The following INPP5A variants were observed in gnomAD, a reference collection of about 807,000 sequenced individuals.
INPP5A encodes the protein 43 kDa inositol polyphosphate 5-phophatase.
In INPP5A, 14 loss-of-function variants were observed where a neutral mutation model predicts 65.2. That is an observed-to-expected ratio of 0.21 (90% confidence interval 0.14 to 0.34). The LOEUF (loss-of-function observed/expected upper bound fraction) is 0.34. INPP5A is among the 10% of genes least tolerant of loss of function. INPP5A has a pLI of 1.00. For synonymous variants in INPP5A, 207 were observed against 208.3 expected, an observed-to-expected ratio of 0.99 and a Z score of 0.05; for missense variants, 431 against 545.6, an observed-to-expected ratio of 0.79 and a Z score of 2.09.
chr10:132,696,736 G>C (rs1845350128), intron 5 of INPP5A, among the ~76,000 whole-genome samples: 1 of 152,180 alleles, frequency 6.6e-6, no homozygotes, highest in Admixed American at 6.5e-5. Flanking sequence ...GCTGTCTCCT[G>C]TCCATGAGGC....
chr10:132,549,486 C>T lies in INPP5A; in HGVS notation c.75+11315C>T, dbSNP rs781371313. Among the ~76,000 whole-genome samples, 1 of 152,194 alleles carries T rather than the reference C, an allele frequency of 6.6e-6. No homozygotes were observed. The highest frequency in any genetic ancestry group is 1.5e-5 in the Non-Finnish European group (1 of 68,032). ...TTCCCCACAAGGATGGTTATCTTGC[C>T]GTGTTGGTAATGGCTTTGACAGCTG... On this transcript the variant is annotated intron_variant, in intron 1 of 15. Coordinates refer to ENST00000368594, the MANE Select transcript of INPP5A (RefSeq NM_005539.5). This position sits in a 1 kb window ranked among gnomAD's most constrained non-coding sequence, Gnocchi z 4.9.
chr10:132,690,282 T>C (rs1845236452), intron 4 of INPP5A, 110 bp from the exon 5 acceptor site: 1 of 757,124 alleles, frequency 1.3e-6, no homozygotes, highest in African/African-American at 1.7e-5. Context: ...TTATAACTGG[T>C]GAAACTCTTG....
chr10:132,710,936 G>A (rs747389431), intron 8 of INPP5A, among the ~76,000 whole-genome samples: 2 of 152,126 alleles, frequency 1.3e-5, no homozygotes, highest in Non-Finnish European at 2.9e-5. Flanking sequence ...CCTGCTCTGG[G>A]AGGCACACTC....
Position 132,555,526 on chromosome 10 carries a change from G to C in INPP5A, c.75+17355G>C, listed in dbSNP as rs1434138935. Among the ~76,000 whole-genome samples, 1 of 152,128 alleles carries C rather than the reference G, an allele frequency of 6.6e-6. No homozygotes were observed. The highest frequency in any genetic ancestry group is 1.5e-5 in the Non-Finnish European group (1 of 68,020). On this transcript the variant is annotated intron_variant, in intron 1 of 15. Coordinates refer to ENST00000368594, the MANE Select transcript of INPP5A (RefSeq NM_005539.5). This position sits in a 1 kb window ranked among gnomAD's most constrained non-coding sequence, Gnocchi z 4.4. Reference sequence around the variant, plus strand: ...GGCGCCGTTGGTGTGTGCTCACAAAGTGCACGGGGTGACCAGGAGCCTCTG... The same window carrying C: ...GGCGCCGTTGGTGTGTGCTCACAAACTGCACGGGGTGACCAGGAGCCTCTG...
In INPP5A at chr10:132,651,586, C is replaced by T. The variant is rs1431212285; in HGVS notation, c.306+1081C>T. On this transcript the variant is annotated intron_variant, in intron 4 of 15. Transcript: ENST00000368594. The surrounding 1 kb of genome is among the most constrained non-coding windows in gnomAD (Gnocchi z 5.0). ...TCTGGCCTTCTGTCCCCAGCATCAG[C>T]GCCCACTAGCCGTCATTGCGCCGTC... Among the ~76,000 whole-genome samples the T allele has an allele frequency of 1.3e-5, 2 of 152,210 alleles. No individual in the cohort carries two copies. The highest frequency in any genetic ancestry group is 2.9e-5 in the Non-Finnish European group (2 of 68,030).
intron 5 of INPP5A, among the ~76,000 whole-genome samples, chr10:132,696,027 C>T (rs1004566969): frequency 1.3e-5 from 2 of 152,094 alleles, no homozygotes; most frequent in African/African-American, 4.8e-5. Context: ...GGATCGGAGC[C>T]CTCATGAAAG....
At chr10:132,766,939 C>T (rs371058657) in intron 12 of INPP5A, among the ~76,000 whole-genome samples, 40 of 129,492 alleles carry the variant, frequency 3.1e-4, no homozygotes, top group African/African-American at 7.7e-4. Context: ...GAGGTGCGGC[C>T]TCAGGGAGCT....
At chr10:132,722,539 C>T (rs1845902800) in intron 8 of INPP5A, among the ~76,000 whole-genome samples, 1 of 152,236 alleles carries the variant, frequency 6.6e-6, no homozygotes, top group Non-Finnish European at 1.5e-5. Context: ...CCGGTTCCCA[C>T]TGCTGTGTTA....
At chr10:132,645,456 G>A (rs1361363992) in intron 2 of INPP5A, among the ~76,000 whole-genome samples, 3 of 152,232 alleles carry the variant, frequency 2.0e-5, no homozygotes, top group Admixed American at 6.5e-5. Context: ...GTATGCACAC[G>A]TGTGCACCCT....
chr10:132,640,157 G>T (rs1002690409), intron 2 of INPP5A, among the ~76,000 whole-genome samples: 1 of 152,208 alleles, frequency 6.6e-6, no homozygotes, highest in African/African-American at 2.4e-5. Context: ...ATGCTGCGTT[G>T]TATAGACACT....
intron 1 of INPP5A, among the ~76,000 whole-genome samples, chr10:132,579,480 C>T (rs1423973818): frequency 1.3e-5 from 2 of 152,170 alleles, no homozygotes; most frequent in Non-Finnish European, 1.5e-5. Context: ...GAGAGGGGGC[C>T]GGAGCCAAGG....
rs139945149 is a variant in INPP5A at position 132,661,152 on chromosome 10, G to A, written c.306+10647G>A. On this transcript the variant is annotated intron_variant, in intron 4 of 15. Coordinates refer to ENST00000368594, the MANE Select transcript of INPP5A (RefSeq NM_005539.5). ...CCCAGCTGCATGCTCCCACCTCTTC[G>A]TGATATGGTTTCAAAAACACAATCC... 4.8e-3 allele frequency among the ~76,000 whole-genome samples: 734 copies of A among 152,234 alleles called. 5 individuals are homozygous for A. The highest frequency in any genetic ancestry group is 6.8e-3 in the Middle Eastern group (2 of 294).
chr10:132,596,722 G>A (rs2133322246), intron 1 of INPP5A, among the ~76,000 whole-genome samples: 1 of 152,204 alleles, frequency 6.6e-6, no homozygotes, highest in African/African-American at 2.4e-5. Flanking sequence ...GAGCCACCAC[G>A]CCCGGCCCAT....
In INPP5A at chr10:132,698,866, G is replaced by A. The variant is rs1007060533; in HGVS notation, c.474+947G>A. On this transcript the variant is annotated intron_variant, in intron 6 of 15. Transcript: ENST00000368594. This position sits in a 1 kb window ranked among gnomAD's most constrained non-coding sequence, Gnocchi z 5.5. ...TGCTACGGAGCTGACTTCCAGCAAGGCCACAACTTTATTAACTTGCTTTAT... is the reference window on the plus strand; with the variant it reads ...TGCTACGGAGCTGACTTCCAGCAAGACCACAACTTTATTAACTTGCTTTAT... Among the ~76,000 whole-genome samples the A allele has an allele frequency of 1.3e-5, 2 of 152,234 alleles. No individual in the cohort carries two copies. Among genetic ancestry groups the A allele is most frequent in the African/African-American group, 2.4e-5 (1 of 41,464 alleles).
intron 1 of INPP5A, among the ~76,000 whole-genome samples, chr10:132,596,947 G>GTGCGCACA (rs2071706874): frequency 3.0e-5 from 4 of 134,894 alleles, no homozygotes; most frequent in Non-Finnish European, 6.2e-5. Context: ...ATGTGTGCGT[G>GTGCGCACA]TGTGCACACA....
chr10:132,679,474 C>A (rs1490772755), intron 4 of INPP5A, among the ~76,000 whole-genome samples: 1 of 151,994 alleles, frequency 6.6e-6, no homozygotes, highest in Non-Finnish European at 1.5e-5. Flanking sequence ...GACGGGCCAC[C>A]CCAGCGGGAG....
At chr10:132,541,703 G>A (rs751294542) in intron 1 of INPP5A, among the ~76,000 whole-genome samples, 18 of 152,220 alleles carry the variant, frequency 1.2e-4, no homozygotes, top group Non-Finnish European at 2.2e-4. Flanking sequence ...TTCTTCCCTA[G>A]GAGACAGTGA....
At chr10:132,685,624 TC>T (rs1196354746) in intron 4 of INPP5A, among the ~76,000 whole-genome samples, 1 of 152,228 alleles carries the variant, frequency 6.6e-6, no homozygotes, top group African/African-American at 2.4e-5. Context: ...TGGAGGCATT[TC>T]CAATGGCAGC....
intron 2 of INPP5A, 51 bp downstream of exon 2, chr10:132,608,007 G>C: frequency 1.3e-6 from 2 of 1,562,882 alleles, no homozygotes; most frequent in Non-Finnish European, 8.8e-7. Context: ...AGCCAATAAG[G>C]TGCCTTTTTG....
Sources: gnomAD v4.1 joint callset for allele counts (sites outside exome capture counted in the v4.1 genomes callset) on GRCh38, gnomAD v4.1.1 for gene constraint, Gnocchi (gnomAD v3.1) non-coding constraint, MANE v1.5 for transcripts, NCBI Gene and HGNC (gene_info 2026-07-23, HGNC 2026-07-21) for gene names.